COX7B2: variants seen among roughly 807,000 people sequenced by gnomAD.
COX7B2 encodes cytochrome c oxidase subunit 7B2, mitochondrial.
For missense variants in COX7B2, 109 were observed against 95.9 expected, an observed-to-expected ratio of 1.14 and a Z score of -0.57; for synonymous variants, 37 against 32.1, an observed-to-expected ratio of 1.15 and a Z score of -0.51.
rs1553880229 is a variant in COX7B2 at position 46,754,728 on chromosome 4, G to GTATATATATATATATATATATGTATATA, written c.-49-19488_-49-19487insTATATACATATATATATATATATATATA. On this transcript the variant is annotated intron_variant, in intron 2 of 2. Transcript: ENST00000355591. ...TGTGTGTGTGTGTGTGTGTGTGTGT[G>GTATATATATATATATATATATGTATATA]TATATATATATATATATATATGAAA... Among the ~76,000 whole-genome samples, 5 of 39,868 alleles carry GTATATATATATATATATATATGTATATA rather than the reference G, an allele frequency of 1.3e-4. 1 individual carries two copies. The highest frequency in any genetic ancestry group is 5.8e-4 in the African/African-American group (5 of 8,684). 26.2% of individuals were successfully genotyped at this position (39,868 alleles called of 152,430 possible).
intron 2 of COX7B2, among the ~76,000 whole-genome samples, chr4:46,741,893 A>G (rs893545903): frequency 6.6e-6 from 1 of 152,082 alleles, no homozygotes; most frequent in Non-Finnish European, 1.5e-5. Flanking sequence ...TTCTCAGGAG[A>G]GTTTTATCAT....
intron 2 of COX7B2, among the ~76,000 whole-genome samples, chr4:46,805,143 G>GC (rs1363697443): frequency 1.0e-3 from 158 of 152,192 alleles, no homozygotes; most frequent in African/African-American, 3.6e-3. Flanking sequence ...CCAAGCACCG[G>GC]GCAGCCCCAG....
At chr4:46,869,417 G>T (rs745591919) in intron 1 of COX7B2, among the ~76,000 whole-genome samples, 15 of 152,064 alleles carry the variant, frequency 9.9e-5, no homozygotes, top group Non-Finnish European at 1.9e-4. Flanking sequence ...TCATTGTGTT[G>T]TTAGCTAGTT....
At chr4:46,829,257 A>G (rs1219649614) in intron 2 of COX7B2, among the ~76,000 whole-genome samples, 1 of 152,178 alleles carries the variant, frequency 6.6e-6, no homozygotes, top group African/African-American at 2.4e-5. Flanking sequence ...TTAGTTGAAT[A>G]TTATAAAGTA....
At chr4:46,747,086 T>C (rs964114048) in intron 2 of COX7B2, among the ~76,000 whole-genome samples, 7 of 152,142 alleles carry the variant, frequency 4.6e-5, no homozygotes, top group South Asian at 2.1e-4. Flanking sequence ...AGTTTACCTA[T>C]ATAACATTTG....
chr4:46,902,298 C>G (rs1443696295), intron 1 of COX7B2, among the ~76,000 whole-genome samples: 2 of 152,188 alleles, frequency 1.3e-5, no homozygotes, highest in Non-Finnish European at 2.9e-5. Flanking sequence ...CTTAACTACT[C>G]ACATAAAGGT....
intron 2 of COX7B2, among the ~76,000 whole-genome samples, chr4:46,833,467 G>A (rs1335890160): frequency 1.3e-5 from 2 of 152,140 alleles, no homozygotes; most frequent in Admixed American, 6.5e-5. Flanking sequence ...CATTCCAATG[G>A]AGAAAGCATG....
chr4:46,754,603 A>C, intron 2 of COX7B2, among the ~76,000 whole-genome samples: 1 of 148,790 alleles, frequency 6.7e-6, no homozygotes, highest in South Asian at 2.2e-4. Context: ...TGACCAGTTA[A>C]TGTGTGCAGC....
At chr4:46,741,543 T>C (rs1224171236) in intron 2 of COX7B2, among the ~76,000 whole-genome samples, 2 of 152,052 alleles carry the variant, frequency 1.3e-5, no homozygotes, top group Non-Finnish European at 2.9e-5. Context: ...GACACCATTC[T>C]ATACAATAGA....
intron 2 of COX7B2, among the ~76,000 whole-genome samples, chr4:46,738,511 G>A (rs988383518): frequency 4.6e-5 from 7 of 151,906 alleles, no homozygotes; most frequent in African/African-American, 7.3e-5. Context: ...AGCTACATCC[G>A]TCTCAACTGC....
At position 46,750,144 on chromosome 4, in the gene COX7B2, T is replaced by C. The variant is rs566195284; in HGVS notation, c.-49-14903A>G. On this transcript the variant is annotated intron_variant, in intron 2 of 2. Transcript: ENST00000355591. ...AGAAGGCCAAAGTGGAAGGATCGCT[T>C]GAGGCCAGGAGTTAAAGACCAGCCT... is the stretch of plus-strand genomic sequence containing the variant. Among the ~76,000 whole-genome samples the C allele has an allele frequency of 2.0e-3, 300 of 150,028 alleles. 1 individual carries two copies. In the Middle Eastern group the frequency reaches 0.021, roughly 10 times the overall value.
At chr4:46,801,742 T>C (rs1271490811) in intron 2 of COX7B2, among the ~76,000 whole-genome samples, 1 of 152,160 alleles carries the variant, frequency 6.6e-6, no homozygotes. Flanking sequence ...GGGAAATAAA[T>C]GAAGACAGAA....
intron 1 of COX7B2, among the ~76,000 whole-genome samples, chr4:46,897,675 T>C (rs1463567297): frequency 6.6e-6 from 1 of 152,106 alleles, no homozygotes; most frequent in East Asian, 1.9e-4. Flanking sequence ...CTCCTTCCTC[T>C]CCACTGCTCA....
chr4:46,806,390 TC>T (rs1241147280), intron 2 of COX7B2, among the ~76,000 whole-genome samples: 2 of 152,042 alleles, frequency 1.3e-5, no homozygotes, highest in Non-Finnish European at 2.9e-5. Context: ...CATGTAATAT[TC>T]ATAAGTTTTT....
intron 2 of COX7B2, among the ~76,000 whole-genome samples, chr4:46,739,203 CA>C (rs1302227892): frequency 6.6e-6 from 1 of 152,052 alleles, no homozygotes; most frequent in Non-Finnish European, 1.5e-5. Context: ...CCTTGTTTTA[CA>C]CCTAAGAACA....
At chr4:46,798,928 T>C (rs889619564) in intron 2 of COX7B2, among the ~76,000 whole-genome samples, 1 of 152,162 alleles carries the variant, frequency 6.6e-6, no homozygotes, top group Admixed American at 6.6e-5. Flanking sequence ...GTCAGATAAC[T>C]TGCACTCACA....
intron 2 of COX7B2, among the ~76,000 whole-genome samples, chr4:46,751,772 G>T (rs1715394857): frequency 6.6e-6 from 1 of 151,870 alleles, no homozygotes; most frequent in South Asian, 2.1e-4. Flanking sequence ...CTAGCAGAAA[G>T]AAAAAGAAAT....
chr4:46,750,193 T>TACACACA (rs1309718686), intron 2 of COX7B2, among the ~76,000 whole-genome samples: 1 of 58,542 alleles, frequency 1.7e-5, no homozygotes, highest in Non-Finnish European at 3.8e-5. Context: ...AGATCCCATC[T>TACACACA]CTACACACAC....
chr4:46,799,609 A>G (rs994130295), intron 2 of COX7B2, among the ~76,000 whole-genome samples: 1 of 152,104 alleles, frequency 6.6e-6, no homozygotes, highest in Admixed American at 6.6e-5. Context: ...GTCTATGGAG[A>G]TAATTAGATG....
Sources: allele counts gnomAD v4.1 joint callset (sites outside exome capture counted in the v4.1 genomes callset), GRCh38; gene constraint gnomAD v4.1.1; transcripts MANE v1.5; gene names NCBI Gene and HGNC (gene_info 2026-07-23, HGNC 2026-07-21).